The following STK4 variants were observed in gnomAD, a reference collection of about 807,000 sequenced individuals.
The protein encoded by STK4 is serine/threonine kinase 4.
In STK4, 30 loss-of-function variants were observed where a neutral mutation model predicts 64.9. The ratio of observed to expected loss-of-function variants is 0.46; its 90% CI spans 0.35 to 0.63. STK4 has a LOEUF of 0.63. Among genes scored for constraint, STK4 ranks in the 20% least tolerant of loss-of-function variants. The pLI, the probability that STK4 is intolerant of heterozygous loss-of-function variation, is 0.01. For synonymous variants in STK4, 177 were observed against 199.0 expected (o/e 0.89, Z 0.93); for missense variants, 466 against 598.5 (o/e 0.78, Z 2.31).
Position 45,075,193 on chromosome 20 carries a change from AG to A in STK4, c.*20del, listed in dbSNP as rs1980418900. 2 of 1,611,518 alleles carry A rather than the reference AG, an allele frequency of 1.2e-6. No homozygotes were observed. Among genetic ancestry groups the A allele is most frequent in the Non-Finnish European group, 1.7e-6 (2 of 1,179,552 alleles). ...AACTTCTGAGCAAGGCCAGGCTGTGAGGGCCCCAGCTCCACCCAGGCTTTGG... is the reference window on the plus strand; with the variant it reads ...AACTTCTGAGCAAGGCCAGGCTGTGAGGCCCCAGCTCCACCCAGGCTTTGG... On this transcript the variant is annotated 3_prime_UTR_variant, in exon 11 of 11. Transcript: ENST00000372806.
intron 3 of STK4, among the ~76,000 whole-genome samples, chr20:44,981,620 A>G (rs954911410): frequency 8.5e-4 from 130 of 152,128 alleles, no homozygotes; most frequent in African/African-American, 3.1e-3. Context: ...TGGTTAAAGA[A>G]CTCACCAAGT....
At chr20:45,055,100 T>C (rs1978356152) in intron 10 of STK4, among the ~76,000 whole-genome samples, 1 of 152,122 alleles carries the variant, frequency 6.6e-6, no homozygotes, top group Admixed American at 6.6e-5. Context: ...ATGGGGAGGT[T>C]TCAGGAGTGA....
intron 5 of STK4, among the ~76,000 whole-genome samples, chr20:44,994,851 AATTG>A (rs1429996788): frequency 1.3e-5 from 2 of 152,102 alleles, no homozygotes; most frequent in Admixed American, 6.5e-5. Flanking sequence ...TTGTTTTAAT[AATTG>A]ATTGAGAATC....
intron 10 of STK4, among the ~76,000 whole-genome samples, chr20:45,030,708 G>A (rs1209351885): frequency 6.6e-6 from 1 of 152,014 alleles, no homozygotes; most frequent in Non-Finnish European, 1.5e-5. Context: ...AAATATAAAA[G>A]GTGCTTAAAA....
chr20:45,073,094 T>G (rs1380123474), intron 10 of STK4, among the ~76,000 whole-genome samples: 1 of 152,208 alleles, frequency 6.6e-6, no homozygotes, highest in Non-Finnish European at 1.5e-5. Context: ...TCCCAAAGAT[T>G]ACATTCTTAA....
intron 4 of STK4, 35 bp from the exon 5 acceptor site, chr20:44,987,097 A>C: frequency 6.5e-7 from 1 of 1,539,830 alleles, no homozygotes; most frequent in South Asian, 1.2e-5. Flanking sequence ...GCTGATGTAA[A>C]CTGATAGAAT....
intron 2 of STK4, among the ~76,000 whole-genome samples, chr20:44,976,406 C>T (rs1345698590): frequency 1.3e-5 from 2 of 152,150 alleles, no homozygotes; most frequent in African/African-American, 4.8e-5. Flanking sequence ...CACGAGCCCT[C>T]AGATTGAAGA....
rs374295774 is a variant in STK4, at chr20:45,050,315, CTG to C, written c.1306-24701_1306-24700del. 3.0e-3 allele frequency among the ~76,000 whole-genome samples: 457 copies of C among 152,270 alleles called. 2 individuals carry two copies. Among genetic ancestry groups the C allele is most frequent in the African/African-American group, 0.01 (436 of 41,548 alleles). ...TTCCTGTTTTTGTTTTATGAGCAGA[CTG>C]TTGAGTTTATTTCTGTTGTCTTTGC... On this transcript the variant is annotated intron_variant, in intron 10 of 10. Coordinates refer to ENST00000372806, the MANE Select transcript of STK4 (RefSeq NM_006282.5).
intron 10 of STK4, among the ~76,000 whole-genome samples, chr20:45,027,731 T>G (rs1324820098): frequency 6.6e-6 from 1 of 152,194 alleles, no homozygotes; most frequent in Non-Finnish European, 1.5e-5. Flanking sequence ...GACATATTTT[T>G]GTACCCCTTA....
chr20:45,017,717 C>G (rs926684421), intron 9 of STK4, among the ~76,000 whole-genome samples: 1 of 152,114 alleles, frequency 6.6e-6, no homozygotes, highest in South Asian at 2.1e-4. Flanking sequence ...AGATGTGGAC[C>G]ATTCTCACCT....
intron 2 of STK4, among the ~76,000 whole-genome samples, chr20:44,976,660 C>T (rs1246691278): frequency 6.6e-6 from 1 of 152,158 alleles, no homozygotes; most frequent in Non-Finnish European, 1.5e-5. Context: ...AAGACAGTTT[C>T]AGACATACAG....
chr20:44,978,656 T>C (rs2067380855), intron 3 of STK4, 85 bp downstream of exon 3: 2 of 1,393,182 alleles, frequency 1.4e-6, no homozygotes, highest in East Asian at 5.1e-5. Flanking sequence ...GAGACACATT[T>C]ACTTAGATAT....
intron 10 of STK4, among the ~76,000 whole-genome samples, chr20:45,061,872 CTTTTTT>C (rs71197598): frequency 0.064 from 7,406 of 114,858 alleles, 551 homozygotes; most frequent in African/African-American, 0.23. Flanking sequence ...TCTTCTTCTT[CTTTTTT>C]TTTTTTTTTT....
At chr20:44,979,551 A>G (rs534928074) in intron 3 of STK4, among the ~76,000 whole-genome samples, 1 of 152,298 alleles carries the variant, frequency 6.6e-6, no homozygotes, top group Non-Finnish European at 1.5e-5. Flanking sequence ...AGTTAGGGGC[A>G]ATGCCAGCTC....
At chr20:44,966,754 G>A (rs1299568697) in intron 1 of STK4, 151 bp downstream of exon 1, 2 of 951,566 alleles carry the variant, frequency 2.1e-6, no homozygotes, top group Non-Finnish European at 1.4e-6. Context: ...CGTCTGGTGG[G>A]TGAGGGTCCG....
At chr20:45,041,324 C>T (rs540664141) in intron 10 of STK4, among the ~76,000 whole-genome samples, 302 of 149,534 alleles carry the variant, frequency 2.0e-3, no homozygotes, top group African/African-American at 7.3e-3. Context: ...CATGCATGCA[C>T]GCACAGACAA....
At chr20:45,010,284 C>T (rs554911656) in intron 9 of STK4, among the ~76,000 whole-genome samples, 2 of 152,230 alleles carry the variant, frequency 1.3e-5, no homozygotes, top group African/African-American at 4.8e-5. Context: ...GCAGGCTGGT[C>T]TCCAACTCCT....
chr20:45,069,251 C>T (rs1568772086), intron 10 of STK4, among the ~76,000 whole-genome samples: 1 of 152,154 alleles, frequency 6.6e-6, no homozygotes, highest in Non-Finnish European at 1.5e-5. Flanking sequence ...TTTAGTTTCT[C>T]CTTCCACTGT....
intron 9 of STK4, among the ~76,000 whole-genome samples, chr20:45,022,120 T>C (rs1005566421): frequency 5.3e-5 from 8 of 152,190 alleles, no homozygotes; most frequent in Non-Finnish European, 8.8e-5. Flanking sequence ...TTTTCCGTTC[T>C]TCTGTCTCCA....
Sources: allele counts gnomAD v4.1 joint callset (sites outside exome capture counted in the v4.1 genomes callset), GRCh38; gene constraint gnomAD v4.1.1; transcripts MANE v1.5; gene names NCBI Gene and HGNC (gene_info 2026-07-23, HGNC 2026-07-21).